ADGRB3: variants seen among roughly 807,000 people sequenced by gnomAD.
ADGRB3 encodes brain-specific angiogenesis inhibitor 3.
In ADGRB3, 37 loss-of-function variants were observed where a neutral mutation model predicts 193.4. The observed-to-expected ratio is 0.19, with a 90% CI of 0.15 to 0.25. The LOEUF (loss-of-function observed/expected upper bound fraction) is 0.25. Among genes scored for constraint, ADGRB3 ranks in the 10% least tolerant of loss-of-function variants. ADGRB3 has a pLI of 1.00. For missense variants in ADGRB3, 1,637 were observed against 1,852.9 expected (o/e 0.88, Z 2.14); for synonymous variants, 690 against 644.2 (o/e 1.07, Z -1.08).
chr6:68,952,212 C>T (rs528543892), intron 6 of ADGRB3, among the ~76,000 whole-genome samples: 18 of 151,814 alleles, frequency 1.2e-4, no homozygotes, highest in South Asian at 2.1e-4. Flanking sequence ...TATGGGGCTG[C>T]GGCCCATAAA....
At chr6:69,382,093 T>C (rs1454402539) in intron 30 of ADGRB3, among the ~76,000 whole-genome samples, 1 of 152,004 alleles carries the variant, frequency 6.6e-6, no homozygotes, top group East Asian at 1.9e-4. Context: ...TGTTGAGTTA[T>C]GGTGAAGTTG....
At chr6:69,004,011 G>T (rs945093755) in intron 11 of ADGRB3, among the ~76,000 whole-genome samples, 5 of 152,162 alleles carry the variant, frequency 3.3e-5, no homozygotes, top group Non-Finnish European at 7.4e-5. Flanking sequence ...GAGACTGCTA[G>T]TTTTACCTTT....
chr6:68,964,292 C>T (rs375763800), intron 8 of ADGRB3, among the ~76,000 whole-genome samples: 4 of 152,082 alleles, frequency 2.6e-5, no homozygotes, highest in Non-Finnish European at 5.9e-5. Context: ...TATTTTAAGC[C>T]AGAGCTTCTC....
At chr6:69,066,049 C>G (rs891001115) in intron 16 of ADGRB3, among the ~76,000 whole-genome samples, 2 of 151,754 alleles carry the variant, frequency 1.3e-5, no homozygotes, top group Admixed American at 1.3e-4. Flanking sequence ...ATATAAGATA[C>G]TTGAGCATCC....
At chr6:68,968,679 A>G (rs1768464951) in intron 8 of ADGRB3, among the ~76,000 whole-genome samples, 1 of 152,200 alleles carries the variant, frequency 6.6e-6, no homozygotes. Context: ...AACTATTGCC[A>G]TGTCATTATT....
At chr6:69,208,041 T>G (rs1416634761) in intron 17 of ADGRB3, among the ~76,000 whole-genome samples, 1 of 152,216 alleles carries the variant, frequency 6.6e-6, no homozygotes, top group East Asian at 1.9e-4. Context: ...TCTCTGCCAC[T>G]GGCAAATTGG....
chr6:69,073,462 T>A (rs1562147393), intron 16 of ADGRB3, among the ~76,000 whole-genome samples: 1 of 151,940 alleles, frequency 6.6e-6, no homozygotes, highest in Non-Finnish European at 1.5e-5. Flanking sequence ...GCAGACACTT[T>A]GAAGGGTGAG....
intron 3 of ADGRB3, among the ~76,000 whole-genome samples, chr6:68,853,802 A>G (rs1768454338): frequency 6.6e-6 from 1 of 152,166 alleles, no homozygotes; most frequent in African/African-American, 2.4e-5. Context: ...TGTCAAATGT[A>G]TGGTTTACAA....
chr6:68,994,083 T>C lies in ADGRB3; in HGVS notation c.1929+121T>C, dbSNP rs1172808253. Reference sequence around the variant, plus strand: ...AGGAAGATAATGCTCATCCAAGTTATGCTTAGTGTGAGCTCTGGAAATGAC... The same window carrying C: ...AGGAAGATAATGCTCATCCAAGTTACGCTTAGTGTGAGCTCTGGAAATGAC... On this transcript the variant is annotated intron_variant, in intron 11 of 31. Transcript: ENST00000370598. 22 of 933,308 alleles carry C rather than the reference T, an allele frequency of 2.4e-5. No homozygotes were observed. The Admixed American group carries it at 5.6e-4, about 24-fold the overall frequency. 57.8% of individuals were successfully genotyped at this position (933,308 alleles called of 1,614,324 possible).
At chr6:69,112,587 G>T (rs9454696) in intron 17 of ADGRB3, among the ~76,000 whole-genome samples, 1 of 152,052 alleles carries the variant, frequency 6.6e-6, no homozygotes, top group Non-Finnish European at 1.5e-5. Context: ...ATCAATGTGT[G>T]TGTATATATA....
intron 3 of ADGRB3, among the ~76,000 whole-genome samples, chr6:68,817,312 T>A (rs1179064063): frequency 1.2e-4 from 1 of 8,058 alleles, no homozygotes; most frequent in Non-Finnish European, 2.6e-4. Context: ...TCCATGTATA[T>A]ATATATATAT....
At chr6:68,735,352 A>G (rs1483696020) in intron 3 of ADGRB3, among the ~76,000 whole-genome samples, 1 of 151,972 alleles carries the variant, frequency 6.6e-6, no homozygotes, top group African/African-American at 2.4e-5. Flanking sequence ...TTAATTTTCT[A>G]CAATAGAGAA....
intron 27 of ADGRB3, among the ~76,000 whole-genome samples, chr6:69,355,543 A>AT (rs1769319676): frequency 6.6e-6 from 1 of 152,172 alleles, no homozygotes; most frequent in African/African-American, 2.4e-5. Flanking sequence ...TATCCTTCTA[A>AT]TATATAGTAA....
chr6:69,089,958 C>T (rs1772659246), intron 17 of ADGRB3, among the ~76,000 whole-genome samples: 1 of 152,198 alleles, frequency 6.6e-6, no homozygotes, highest in Non-Finnish European at 1.5e-5. Flanking sequence ...GTTGAAAATT[C>T]AAATTTTTGC....
chr6:69,018,455 G>A lies in ADGRB3; in HGVS notation c.2063G>A (p.Gly688Glu), dbSNP rs748636545. The change falls in exon 13 of 32, where the codon GGG becomes GAG. Residue 688 changes from glycine (G) to glutamate (E), a missense_variant. This residue lies in a region of ADGRB3 where 641 missense variants were observed against 673.9 expected (regional missense o/e 0.95). Transcript: ENST00000370598. ...IEDFIHIVGM[G>E]MMDFQNSYLM... The stretch of plus-strand genomic sequence containing the variant: ...GATTTTATACACATTGTTGGAATGG[G>A]GATGATGGACTTTCAGAATTCATAC... 13 of 1,608,718 alleles carry A rather than the reference G, an allele frequency of 8.1e-6. No individual in the cohort carries two copies. The Admixed American group carries it at 2.2e-4, about 27-fold the overall frequency.
At chr6:69,199,560 T>A (rs1257937479) in intron 17 of ADGRB3, among the ~76,000 whole-genome samples, 2 of 152,154 alleles carry the variant, frequency 1.3e-5, no homozygotes, top group Non-Finnish European at 2.9e-5. Context: ...TTATGATTAC[T>A]TCTACAAGTT....
intron 29 of ADGRB3, among the ~76,000 whole-genome samples, chr6:69,368,691 A>C (rs78917247): frequency 1.2e-3 from 178 of 151,722 alleles, no homozygotes; most frequent in African/African-American, 4.1e-3. Context: ...AGCTGCAGCA[A>C]GAAAGAGGGG....
intron 3 of ADGRB3, among the ~76,000 whole-genome samples, chr6:68,783,739 T>C (rs1224120059): frequency 6.6e-6 from 1 of 151,956 alleles, no homozygotes; most frequent in Non-Finnish European, 1.5e-5. Context: ...GATGATGGTG[T>C]GCTATGGAGA....
chr6:69,106,857 A>AAAC (rs1773228862), intron 17 of ADGRB3, among the ~76,000 whole-genome samples: 1 of 152,234 alleles, frequency 6.6e-6, no homozygotes, highest in Non-Finnish European at 1.5e-5. Flanking sequence ...ACGTGCTTAG[A>AAAC]GTCTTCTACT....
Sources: gnomAD v4.1 joint callset for allele counts (sites outside exome capture counted in the v4.1 genomes callset) on GRCh38, gnomAD v4.1.1 for gene constraint, gnomAD v4.1.1 regional missense constraint, MANE v1.5 for transcripts, NCBI Gene and HGNC (gene_info 2026-07-23, HGNC 2026-07-21) for gene names.